The following ALDH1L1 variants were observed in gnomAD, a reference collection of about 807,000 sequenced individuals.
The protein encoded by ALDH1L1 is cytosolic 10-formyltetrahydrofolate dehydrogenase.
Under a neutral mutation model 101.1 loss-of-function variants are expected in ALDH1L1, and 68 were observed. The ratio of observed to expected loss-of-function variants is 0.67; its 90% confidence interval spans 0.55 to 0.82. ALDH1L1 has a LOEUF of 0.82. Among genes scored for constraint, ALDH1L1 ranks in the 40% least tolerant of loss-of-function variants. The pLI is 0.00. For synonymous variants in ALDH1L1, 486 were observed against 470.8 expected (o/e 1.03, Z -0.42); for missense variants, 1,087 against 1,172.7 (o/e 0.93, Z 1.07).
At chr3:126,127,430 C>T (rs1448034753) in intron 14 of ALDH1L1, among the ~76,000 whole-genome samples, 2 of 152,178 alleles carry the variant, frequency 1.3e-5, no homozygotes, top group African/African-American at 4.8e-5. Flanking sequence ...CATTCTCCTG[C>T]TGTGCGGCCC....
At position 126,160,972 on chromosome 3, in the gene ALDH1L1, A is replaced by G. The variant is rs764467468; in HGVS notation, c.8T>C (p.Ile3Thr). The G allele has an allele frequency of 2.5e-6, 4 of 1,614,092 alleles. No individual in the cohort carries two copies. The highest frequency in any genetic ancestry group is 2.2e-5 in the East Asian group (1 of 44,892). Residue 3 changes from isoleucine to threonine, a missense_variant, in exon 2 of 23, where the codon ATT (isoleucine) becomes ACT (threonine). Physicochemically the swap from Ile to Thr is moderately conservative, Grantham distance 89 (BLOSUM62 -1). Transcript: ENST00000393434. The part of the protein sequence containing the change: MK[I>T]AVIGQSLFGQ... ...AAACAGGCTCTGTCCAATCACTGCA[A>G]TCTTCATGGTAGCAGGAGGGTTGGA...
chr3:126,181,934 G>C (rs76275572), upstream of ALDH1L1, among the ~76,000 whole-genome samples: 2,438 of 152,294 alleles, frequency 0.016, 53 homozygotes, highest in African/African-American at 0.054. Flanking sequence ...TCTCCCTGCT[G>C]TCCCTCATAT....
At chr3:126,163,853 A>C (rs1044993702) in intron 1 of ALDH1L1, among the ~76,000 whole-genome samples, 3 of 152,148 alleles carry the variant, frequency 2.0e-5, no homozygotes, top group Non-Finnish European at 4.4e-5. Context: ...ATTGACATGA[A>C]CCAGTCCCAG....
intron 9 of ALDH1L1, among the ~76,000 whole-genome samples, chr3:126,142,089 T>A (rs1297087618): frequency 6.7e-6 from 1 of 149,956 alleles, no homozygotes; most frequent in Non-Finnish European, 1.5e-5. Context: ...ACAGATTTGA[T>A]AACTAGGTAA....
chr3:126,157,267 G>A (rs2080928685), intron 4 of ALDH1L1, 76 bp downstream of exon 4: 67 of 1,491,080 alleles, frequency 4.5e-5, no homozygotes, highest in Non-Finnish European at 6.0e-5. Context: ...GCCTCCAGGA[G>A]CGGTGGGCTG....
At position 126,130,210 on chromosome 3, in the gene ALDH1L1, G is replaced by T; in HGVS notation, c.1694+13C>A. The T allele has an allele frequency of 6.2e-7, 1 of 1,602,060 alleles. No homozygotes were observed. ...CACCGCGAGGCTGCACCTCGCCCTG[G>T]GCAGGAACTCACCCAACAGGCTCCT... On this transcript the variant is annotated intron_variant, in intron 14 of 22. Transcript: ENST00000393434.
chr3:126,189,808 AG>A (rs1460754984), intron 1 of ALDH1L1, among the ~76,000 whole-genome samples: 1 of 152,226 alleles, frequency 6.6e-6, no homozygotes, highest in Non-Finnish European at 1.5e-5. Flanking sequence ...TACTACATAA[AG>A]GTTCAGTCTA....
At chr3:126,141,763 A>G (rs1039004372) in intron 9 of ALDH1L1, among the ~76,000 whole-genome samples, 2 of 152,030 alleles carry the variant, frequency 1.3e-5, no homozygotes, top group African/African-American at 4.8e-5. Context: ...AAAGTCCTCA[A>G]ATCAGTAACC....
chr3:126,126,813 T>A (rs1352245080), intron 14 of ALDH1L1, among the ~76,000 whole-genome samples: 1 of 152,160 alleles, frequency 6.6e-6, no homozygotes, highest in Non-Finnish European at 1.5e-5. Flanking sequence ...GAGACCAGAT[T>A]GCTGTGTTGT....
At chr3:126,140,894 A>G (rs2080555022) in intron 9 of ALDH1L1, among the ~76,000 whole-genome samples, 1 of 152,058 alleles carries the variant, frequency 6.6e-6, no homozygotes, top group African/African-American at 2.4e-5. Context: ...TAAGACATTC[A>G]GAAAACAAAT....
chr3:126,135,799 T>A (rs1011145933), intron 11 of ALDH1L1, 137 bp from the exon 12 acceptor site: 10 of 1,114,686 alleles, frequency 9.0e-6, no homozygotes, highest in African/African-American at 1.6e-5. Context: ...AGGAGAAGCA[T>A]GGCCAAAGGA....
chr3:126,149,541 T>C (rs1362520063), intron 8 of ALDH1L1, among the ~76,000 whole-genome samples: 1 of 152,174 alleles, frequency 6.6e-6, no homozygotes, highest in East Asian at 1.9e-4. Context: ...TTGGAATAAA[T>C]AGGATTTTTT....
intron 9 of ALDH1L1, among the ~76,000 whole-genome samples, chr3:126,143,647 T>C (rs2080613809): frequency 6.6e-6 from 1 of 152,230 alleles, no homozygotes. Flanking sequence ...ACAGATAACA[T>C]GATCTTACAT....
chr3:126,132,803 G>T (rs1162250527), intron 12 of ALDH1L1, among the ~76,000 whole-genome samples: 3 of 152,148 alleles, frequency 2.0e-5, no homozygotes, highest in Non-Finnish European at 4.4e-5. Flanking sequence ...ATCACGATTT[G>T]CCTGCCCACT....
chr3:126,196,578 C>G (rs1406729183), intron 1 of ALDH1L1, among the ~76,000 whole-genome samples: 1 of 152,178 alleles, frequency 6.6e-6, no homozygotes, highest in Non-Finnish European at 1.5e-5. Flanking sequence ...GGCTTCTGAA[C>G]TTTACCAATG....
At chr3:126,155,024 C>T (rs530422883) in intron 5 of ALDH1L1, among the ~76,000 whole-genome samples, 5 of 152,302 alleles carry the variant, frequency 3.3e-5, no homozygotes, top group African/African-American at 4.8e-5. Flanking sequence ...CTACAGGCTT[C>T]TGAGGCTCCT....
At chr3:126,115,763 C>G (rs7630173) in intron 17 of ALDH1L1, among the ~76,000 whole-genome samples, 2 of 151,510 alleles carry the variant, frequency 1.3e-5, no homozygotes, top group African/African-American at 4.8e-5. Context: ...TCAGTAGGGA[C>G]GGGGTTTCAC....
At chr3:126,189,559 AC>A (rs2081540463) in intron 1 of ALDH1L1, among the ~76,000 whole-genome samples, 1 of 152,126 alleles carries the variant, frequency 6.6e-6, no homozygotes, top group South Asian at 2.1e-4. Flanking sequence ...TGTGGTGCCT[AC>A]CCACAGGGTT....
chr3:126,126,689 G>A (rs960816974), intron 14 of ALDH1L1, among the ~76,000 whole-genome samples: 5 of 152,146 alleles, frequency 3.3e-5, no homozygotes, highest in East Asian at 1.9e-4. Flanking sequence ...AGGGGAGCTC[G>A]GAAAAGAAAA....
Sources: gnomAD v4.1 joint callset for allele counts (sites outside exome capture counted in the v4.1 genomes callset) on GRCh38, gnomAD v4.1.1 for gene constraint, MANE v1.5 for transcripts, NCBI Gene and HGNC (gene_info 2026-07-23, HGNC 2026-07-21) for gene names.